The following FRMD4A variants were observed in gnomAD, a reference collection of about 807,000 sequenced individuals.
The protein encoded by FRMD4A is FERM domain containing 4A, also known as FERM domain-containing protein 4A.
Under a neutral mutation model 129.1 loss-of-function variants are expected in FRMD4A, and 29 were observed. That is an observed-to-expected ratio of 0.22 (90% CI 0.17 to 0.31). FRMD4A has a LOEUF of 0.31. Ranked by LOEUF, FRMD4A falls within the 10% of genes least tolerant of loss-of-function variation. The pLI, the probability that FRMD4A is intolerant of heterozygous loss-of-function variation, is 1.00. For synonymous variants in FRMD4A, 634 were observed against 571.6 expected, an observed-to-expected ratio of 1.11 and a Z score of -1.56; for missense variants, 1,272 against 1,375.8, an observed-to-expected ratio of 0.92 and a Z score of 1.19.
At chr10:13,881,348 A>G (rs2094544568) in intron 2 of FRMD4A, among the ~76,000 whole-genome samples, 1 of 151,966 alleles carries the variant, frequency 6.6e-6, no homozygotes, top group African/African-American at 2.4e-5. Flanking sequence ...ACTTGAGCCC[A>G]GGAGTTCAAG....
chr10:14,091,380 T>A (rs1193838359), intron 2 of FRMD4A, among the ~76,000 whole-genome samples: 1 of 152,196 alleles, frequency 6.6e-6, no homozygotes, highest in Non-Finnish European at 1.5e-5. Flanking sequence ...AGGTTTTTTT[T>A]AAAGAGTGTC....
chr10:13,694,300 T>G (rs2086010222), intron 14 of FRMD4A, among the ~76,000 whole-genome samples: 1 of 152,224 alleles, frequency 6.6e-6, no homozygotes, highest in Non-Finnish European at 1.5e-5. Flanking sequence ...TGCTTTGTGC[T>G]TAAGAGAATG....
At chr10:13,891,816 C>T in intron 2 of FRMD4A, 1 of 859,410 alleles carries the variant, frequency 1.2e-6, no homozygotes, top group Non-Finnish European at 1.4e-6. Flanking sequence ...AGCCCATAGC[C>T]CGCTCGCGCC....
At chr10:14,038,239 C>G (rs4748079) in intron 2 of FRMD4A, among the ~76,000 whole-genome samples, 55,632 of 151,840 alleles carry the variant, frequency 0.37, 12,510 homozygotes, top group Non-Finnish European at 0.52. Context: ...AGGAGAATGG[C>G]ATGAACCCGG....
At chr10:13,762,803 G>C in intron 6 of FRMD4A, 123 bp from the exon 7 acceptor site, 1 of 670,554 alleles carries the variant, frequency 1.5e-6, no homozygotes, top group Non-Finnish European at 2.7e-6. Context: ...AGACCAGCCT[G>C]GGCAACATAA....
At chr10:14,294,868 G>C (rs1845960465) in intron 2 of FRMD4A, among the ~76,000 whole-genome samples, 1 of 152,172 alleles carries the variant, frequency 6.6e-6, no homozygotes, top group Non-Finnish European at 1.5e-5. Context: ...TCTTGCATTT[G>C]CATAGCATCT....
intron 17 of FRMD4A, among the ~76,000 whole-genome samples, 169 bp from the exon 18 acceptor site, chr10:13,666,494 G>T (rs548006767): frequency 6.6e-6 from 1 of 152,194 alleles, no homozygotes; most frequent in Non-Finnish European, 1.5e-5. Flanking sequence ...ACCCACTGTT[G>T]TAACCCTTGC....
intron 2 of FRMD4A, among the ~76,000 whole-genome samples, chr10:13,946,342 A>G (rs1588474248): frequency 6.6e-6 from 1 of 152,174 alleles, no homozygotes; most frequent in African/African-American, 2.4e-5. Context: ...CCCTGTCCCT[A>G]CCTCAGCCAT....
intron 3 of FRMD4A, among the ~76,000 whole-genome samples, chr10:13,819,500 C>T (rs1342014677): frequency 6.6e-6 from 1 of 152,102 alleles, no homozygotes; most frequent in Non-Finnish European, 1.5e-5. Context: ...TCACACTTGG[C>T]ACATGTGCTC....
At chr10:14,211,242 A>G (rs181878311) in intron 2 of FRMD4A, among the ~76,000 whole-genome samples, 1 of 152,294 alleles carries the variant, frequency 6.6e-6, no homozygotes, top group East Asian at 1.9e-4. Context: ...CATGTCAATC[A>G]CTTAATCCTC....
Position 13,967,302 on chromosome 10 carries a change from A to C in FRMD4A, c.46-108390T>G, listed in dbSNP as rs1024663295. On this transcript the variant is annotated intron_variant, in intron 2 of 24. Coordinates refer to ENST00000357447, the MANE Select transcript of FRMD4A (RefSeq NM_018027.5). ...CGGTGAGCTGAGATCGCGCCACTGC[A>C]CTCCAGCCTGGGCGACAGAGCGAGA... Among the ~76,000 whole-genome samples, 7 of 151,982 alleles carry C rather than the reference A, an allele frequency of 4.6e-5. 1 individual carries two copies. Among genetic ancestry groups the C allele is most frequent in the Admixed American group, 2.0e-4 (3 of 15,254 alleles).
chr10:13,930,045 C>T (rs1404791679), intron 2 of FRMD4A, among the ~76,000 whole-genome samples: 1 of 152,126 alleles, frequency 6.6e-6, no homozygotes, highest in Non-Finnish European at 1.5e-5. Context: ...TGAGAATTAA[C>T]AATTTTCTCT....
At chr10:13,735,349 T>C (rs1164505692) in intron 12 of FRMD4A, among the ~76,000 whole-genome samples, 1 of 152,248 alleles carries the variant, frequency 6.6e-6, no homozygotes, top group Non-Finnish European at 1.5e-5. Context: ...GAAAACTATA[T>C]TGACCTTTTG....
chr10:14,246,054 G>A (rs1844225232), intron 2 of FRMD4A, among the ~76,000 whole-genome samples: 1 of 152,134 alleles, frequency 6.6e-6, no homozygotes, highest in Non-Finnish European at 1.5e-5. Context: ...AGACTCAAGG[G>A]CTGTCTGCCC....
intron 2 of FRMD4A, among the ~76,000 whole-genome samples, chr10:14,053,993 T>C (rs1042386282): frequency 3.9e-5 from 6 of 151,914 alleles, no homozygotes; most frequent in African/African-American, 1.5e-4. Context: ...GGCAATAGAG[T>C]GAGACCCTGT....
At chr10:14,295,576 T>C (rs1284927726) in intron 2 of FRMD4A, among the ~76,000 whole-genome samples, 1 of 152,180 alleles carries the variant, frequency 6.6e-6, no homozygotes, top group Non-Finnish European at 1.5e-5. Flanking sequence ...TAGAGTCATA[T>C]GCTAAGGGCA....
At chr10:13,986,748 G>A (rs917575613) in intron 2 of FRMD4A, among the ~76,000 whole-genome samples, 1 of 150,994 alleles carries the variant, frequency 6.6e-6, no homozygotes, top group Non-Finnish European at 1.5e-5. Flanking sequence ...TGATTTTATT[G>A]GTCTGGGGGA....
intron 2 of FRMD4A, among the ~76,000 whole-genome samples, chr10:14,261,331 A>G (rs1464280074): frequency 6.6e-6 from 1 of 152,220 alleles, no homozygotes; most frequent in East Asian, 1.9e-4. Context: ...TGGAGAGTGA[A>G]TTAATTAATG....
chr10:13,658,132 TAAAAAAAAAAAAA>T (rs565374030), intron 21 of FRMD4A, among the ~76,000 whole-genome samples: 2 of 81,240 alleles, frequency 2.5e-5, no homozygotes, highest in Non-Finnish European at 4.8e-5. Context: ...CTGTCTCTCT[TAAAAAAAAAAAAA>T]AAAAAAAAAA....
Sources: allele counts gnomAD v4.1 joint callset (sites outside exome capture counted in the v4.1 genomes callset), GRCh38; gene constraint gnomAD v4.1.1; transcripts MANE v1.5; gene names NCBI Gene and HGNC (gene_info 2026-07-23, HGNC 2026-07-21).